The following FBN2 variants were observed in gnomAD, a reference collection of about 807,000 sequenced individuals.
FBN2 encodes fibrillin 2, also known as fibrillin-2.
Under a neutral mutation model 355.6 loss-of-function variants are expected in FBN2, and 105 were observed. The ratio of observed to expected loss-of-function variants is 0.30; its 90% CI spans 0.25 to 0.35. FBN2 has a LOEUF of 0.35. FBN2 is among the 10% of genes least tolerant of loss of function. The probability of loss-of-function intolerance (pLI) is 1.00; values close to 1 mark genes in which losing one functional copy is unlikely to be tolerated. For missense variants in FBN2, 3,280 were observed against 3,758.7 expected (o/e 0.87, Z 3.33); for synonymous variants, 1,350 against 1,301.2 (o/e 1.04, Z -0.81).
intron 61 of FBN2, 76 bp from the exon 62 acceptor site, chr5:128,272,194 G>A (rs1406869772): frequency 7.2e-6 from 11 of 1,529,722 alleles, no homozygotes; most frequent in African/African-American, 1.4e-5. Flanking sequence ...AACGAAACCT[G>A]GGGTAACTGT....
In FBN2 at chr5:128,310,365, C is replaced by T. The variant is rs377396; in HGVS notation, c.5075-257G>A. Reference sequence around the variant, plus strand: ...GTGGCAAAAAATAATTTCCTTGGCACATATATATATATATATATATATATA... The same window carrying T: ...GTGGCAAAAAATAATTTCCTTGGCATATATATATATATATATATATATATA... On this transcript the variant is annotated intron_variant, in intron 39 of 64. Coordinates refer to ENST00000262464, the MANE Select transcript of FBN2 (RefSeq NM_001999.4). Among the ~76,000 whole-genome samples the T allele has an allele frequency of 0.049, 2,823 of 57,100 alleles. 81 individuals carry two copies. Among genetic ancestry groups the T allele is most frequent in the South Asian group, 0.097 (144 of 1,488 alleles). 37.5% of individuals were successfully genotyped at this position (57,100 alleles called of 152,430 possible).
In FBN2 at chr5:128,379,292, T is replaced by C. The variant is rs534363654; in HGVS notation, c.1604-402A>G. Among the ~76,000 whole-genome samples, 12 of 152,266 alleles carry C rather than the reference T, an allele frequency of 7.9e-5. No homozygotes were observed. In the South Asian group the frequency reaches 1.5e-3, roughly 18 times the overall value. On this transcript the variant is annotated intron_variant, in intron 11 of 64. Transcript: ENST00000262464. ...ACAATGAAAGGATTCTGAAGATATA[T>C]ATTTATGTTACATGTTGTCACTGCT...
chr5:128,297,802 T>A (rs1486923900), intron 48 of FBN2, among the ~76,000 whole-genome samples: 3 of 152,350 alleles, frequency 2.0e-5, no homozygotes, highest in Non-Finnish European at 2.9e-5. Context: ...TTTGCCAGTC[T>A]GTGTCTTTTA....
At chr5:128,518,997 A>C (rs939843267) in intron 5 of FBN2, among the ~76,000 whole-genome samples, 1 of 152,142 alleles carries the variant, frequency 6.6e-6, no homozygotes, top group African/African-American at 2.4e-5. Context: ...AATTAAGCAC[A>C]TTATTAGAAT....
intron 7 of FBN2, among the ~76,000 whole-genome samples, chr5:128,423,519 C>T (rs1302243341): frequency 6.6e-6 from 1 of 152,172 alleles, no homozygotes; most frequent in African/African-American, 2.4e-5. Context: ...TTACCTCCCA[C>T]CAGGTCCCTC....
At chr5:128,454,982 T>G (rs1047955896) in intron 6 of FBN2, among the ~76,000 whole-genome samples, 1 of 152,192 alleles carries the variant, frequency 6.6e-6, no homozygotes, top group Non-Finnish European at 1.5e-5. Flanking sequence ...TCCCTAAATA[T>G]CACATGGTAC....
intron 45 of FBN2, among the ~76,000 whole-genome samples, chr5:128,304,684 A>G (rs1749818496): frequency 6.6e-6 from 1 of 152,192 alleles, no homozygotes; most frequent in Admixed American, 6.5e-5. Context: ...TTTCTTGTCA[A>G]GCCATGTGAA....
intron 41 of FBN2, among the ~76,000 whole-genome samples, chr5:128,308,728 A>G (rs933200479): frequency 6.6e-6 from 1 of 152,168 alleles, no homozygotes; most frequent in African/African-American, 2.4e-5. Flanking sequence ...TTGCCTAAAA[A>G]TTTCACTGAT....
At chr5:128,298,809 G>A (rs1017543772) in intron 48 of FBN2, among the ~76,000 whole-genome samples, 2 of 152,122 alleles carry the variant, frequency 1.3e-5, no homozygotes, top group Admixed American at 6.5e-5. Context: ...GGAGTAATTT[G>A]ATCGTCTGAA....
At chr5:128,462,204 G>C (rs1754576533) in intron 6 of FBN2, among the ~76,000 whole-genome samples, 1 of 151,948 alleles carries the variant, frequency 6.6e-6, no homozygotes, top group South Asian at 2.1e-4. Context: ...CATCCACATA[G>C]TTGAAATTTA....
intron 27 of FBN2, among the ~76,000 whole-genome samples, chr5:128,337,069 G>A (rs1241275618): frequency 6.6e-6 from 1 of 152,256 alleles, no homozygotes. Flanking sequence ...ACTTAGATCT[G>A]TGACTCATTA....
rs764396688 is a variant in FBN2, at chr5:128,537,533, T to A, written c.71A>T (p.Gln24Leu). 3 of 1,588,486 alleles carry A rather than the reference T, an allele frequency of 1.9e-6. No homozygotes were observed. Among genetic ancestry groups the A allele is most frequent in the South Asian group, 1.1e-5 (1 of 88,164 alleles). Residue 24 changes from glutamine (Q) to leucine (L), a missense_variant, in exon 1 of 65, where the codon CAG (glutamine) becomes CTG (leucine). Gln to Leu is a moderately radical substitution (Grantham distance 113). This residue lies in a region of FBN2 where 203 missense variants were observed against 142.2 expected (regional missense o/e 1.43). Transcript: ENST00000262464. ...AGGCTGAGGCTGGCCGGCCGTGCCC[T>A]GCGCCCAGAGCACCACACAGCCCAG... Reference protein sequence around the residue: ...LWLGCVVLWAQGTAGQPQPPP... With the variant: ...LWLGCVVLWALGTAGQPQPPP...
chr5:128,509,568 A>AT (rs970449083), intron 5 of FBN2, among the ~76,000 whole-genome samples: 17 of 151,792 alleles, frequency 1.1e-4, no homozygotes, highest in African/African-American at 2.9e-4. Context: ...ATTTTAGTTG[A>AT]TTTTTTTTCC....
intron 55 of FBN2, among the ~76,000 whole-genome samples, chr5:128,283,474 G>A (rs1749042166): frequency 6.6e-6 from 1 of 152,154 alleles, no homozygotes; most frequent in Non-Finnish European, 1.5e-5. Context: ...TTAGTTCTCA[G>A]GACATCACAC....
chr5:128,264,374 T>C (rs1474447840), intron 62 of FBN2, among the ~76,000 whole-genome samples: 1 of 152,164 alleles, frequency 6.6e-6, no homozygotes, highest in African/African-American at 2.4e-5. Flanking sequence ...GAGAACCCAT[T>C]GGGTGCAGAC....
chr5:128,334,614 G>T (rs1428546659), intron 31 of FBN2, 105 bp downstream of exon 31: 4 of 1,165,118 alleles, frequency 3.4e-6, no homozygotes, highest in Non-Finnish European at 5.1e-6. Context: ...TCACAGTCTG[G>T]TGGCAGGTAA....
At position 128,537,910 on chromosome 5, in the gene FBN2, C is replaced by G. The variant is rs1054515532; in HGVS notation, c.-307G>C. On this transcript the variant is annotated 5_prime_UTR_variant, in exon 1 of 65. Transcript: ENST00000262464. ...CTAAAGCCCCGAGCGACTCCAGGACCGTCAGCGGGCGGGGGAGGAAATTAC... is the reference window on the plus strand; with the variant it reads ...CTAAAGCCCCGAGCGACTCCAGGACGGTCAGCGGGCGGGGGAGGAAATTAC... The G allele has an allele frequency of 4.4e-6, 2 of 455,544 alleles. No individual in the cohort carries two copies. Among genetic ancestry groups the G allele is most frequent in the South Asian group, 3.8e-5 (1 of 25,998 alleles). 28.2% of individuals were successfully genotyped at this position (455,544 alleles called of 1,614,324 possible).
intron 34 of FBN2, among the ~76,000 whole-genome samples, chr5:128,326,008 ATTTGT>A (rs970021625): frequency 6.6e-6 from 1 of 152,082 alleles, no homozygotes; most frequent in Admixed American, 6.5e-5. Flanking sequence ...CCTATGGAAA[ATTTGT>A]TTTATTTCTT....
At chr5:128,450,207 C>G (rs1173421039) in intron 6 of FBN2, among the ~76,000 whole-genome samples, 1 of 152,104 alleles carries the variant, frequency 6.6e-6, no homozygotes, top group Non-Finnish European at 1.5e-5. Context: ...TTATAGAATA[C>G]TCCACCTCAC....
Sources: gnomAD v4.1 joint callset for allele counts (sites outside exome capture counted in the v4.1 genomes callset) on GRCh38, gnomAD v4.1.1 for gene constraint, gnomAD v4.1.1 regional missense constraint, MANE v1.5 for transcripts, NCBI Gene and HGNC (gene_info 2026-07-23, HGNC 2026-07-21) for gene names.